Variants in SLC24A2 observed in about 807,000 individuals in gnomAD.
SLC24A2 encodes the protein solute carrier family 24 member 2.
Under a neutral mutation model 62.0 loss-of-function variants are expected in SLC24A2, and 36 were observed. The observed-to-expected ratio is 0.58, with a 90% CI of 0.44 to 0.77. The LOEUF is 0.77. SLC24A2 is among the 30% of genes least tolerant of loss of function. SLC24A2 has a pLI of 0.00. For missense variants in SLC24A2, 846 were observed against 817.9 expected (o/e 1.03, Z -0.42); for synonymous variants, 358 against 294.0 (o/e 1.22, Z -2.23).
chr9:20,242,291 G>C, the SLC24A2 span, among the ~76,000 whole-genome samples: 3 of 152,274 alleles, frequency 2.0e-5, no homozygotes, highest in African/African-American at 4.8e-5. Context: ...CTGAGAAATA[G>C]GGCTAAAGAA....
At chr9:19,883,726 T>C in the SLC24A2 span, among the ~76,000 whole-genome samples, 9 of 152,068 alleles carry the variant, frequency 5.9e-5, no homozygotes, top group South Asian at 2.1e-4. Flanking sequence ...CCACCATGCC[T>C]GGCGAATTTT....
intron 2 of SLC24A2, among the ~76,000 whole-genome samples, chr9:19,757,226 C>T (rs1822170351): frequency 6.6e-6 from 1 of 151,788 alleles, no homozygotes; most frequent in Admixed American, 6.6e-5. Context: ...TCTCTGTACC[C>T]CGAGAACTGA....
At chr9:20,237,833 A>C in the SLC24A2 span, among the ~76,000 whole-genome samples, 1 of 152,032 alleles carries the variant, frequency 6.6e-6, no homozygotes, top group Non-Finnish European at 1.5e-5. Context: ...TAGTCTCCTC[A>C]TTTCCCTCTA....
the SLC24A2 span, among the ~76,000 whole-genome samples, chr9:20,019,723 G>A: frequency 1.3e-5 from 2 of 152,254 alleles, no homozygotes; most frequent in Admixed American, 1.3e-4. Flanking sequence ...TGACAAATGG[G>A]ATCTAATTAA....
intron 7 of SLC24A2, among the ~76,000 whole-genome samples, chr9:19,564,661 A>G (rs1266005821): frequency 1.3e-5 from 2 of 152,186 alleles, no homozygotes; most frequent in Non-Finnish European, 2.9e-5. Context: ...TGATTTCCCT[A>G]AGGACAGAAG....
At chr9:19,644,796 A>T (rs923890692) in intron 2 of SLC24A2, among the ~76,000 whole-genome samples, 4 of 152,236 alleles carry the variant, frequency 2.6e-5, no homozygotes, top group African/African-American at 9.6e-5. Flanking sequence ...TCAGAAAATA[A>T]ATTCTTTATA....
At chr9:20,255,410 C>A in the SLC24A2 span, among the ~76,000 whole-genome samples, 2 of 152,172 alleles carry the variant, frequency 1.3e-5, no homozygotes, top group Non-Finnish European at 2.9e-5. Flanking sequence ...CCCAAGTTAG[C>A]GGCTTAAAAC....
At chr9:20,245,804 G>T in the SLC24A2 span, among the ~76,000 whole-genome samples, 13 of 152,138 alleles carry the variant, frequency 8.5e-5, no homozygotes, top group Non-Finnish European at 2.9e-5. Context: ...GGAGATAATA[G>T]TAGCTAACTT....
At chr9:20,079,906 A>G in the SLC24A2 span, among the ~76,000 whole-genome samples, 2 of 152,214 alleles carry the variant, frequency 1.3e-5, no homozygotes, top group East Asian at 3.8e-4. Flanking sequence ...ATACCTAGGA[A>G]CACAACTTAC....
In SLC24A2 at chr9:19,632,769, A is replaced by T. The variant is rs894557364; in HGVS notation, c.931-10470T>A. Reference sequence around the variant, plus strand: ...CTATAGTACATCATTAAAACTAGGAAGTTGGCATTGGTACAATCTATGGAA... The same window carrying T: ...CTATAGTACATCATTAAAACTAGGATGTTGGCATTGGTACAATCTATGGAA... On this transcript the variant is annotated intron_variant, in intron 2 of 10. Coordinates refer to ENST00000341998, the MANE Select transcript of SLC24A2 (RefSeq NM_020344.4). The surrounding 1 kb of genome is among the most constrained non-coding windows in gnomAD (Gnocchi z 4.5). Among the ~76,000 whole-genome samples the T allele has an allele frequency of 1.3e-5, 2 of 152,228 alleles. No homozygotes were observed. Among genetic ancestry groups the T allele is most frequent in the Non-Finnish European group, 2.9e-5 (2 of 68,048 alleles).
intron 2 of SLC24A2, among the ~76,000 whole-genome samples, chr9:19,682,582 T>G (rs1041873832): frequency 5.3e-5 from 8 of 152,124 alleles, no homozygotes; most frequent in Admixed American, 4.6e-4. Context: ...CCTGTTTCCA[T>G]GGCAAAGTAT....
chr9:19,902,569 G>A, the SLC24A2 span, among the ~76,000 whole-genome samples: 1 of 152,094 alleles, frequency 6.6e-6, no homozygotes, highest in Non-Finnish European at 1.5e-5. Context: ...GTTAAGTTTA[G>A]GTCCACAGGA....
chr9:19,888,805 C>A, the SLC24A2 span, among the ~76,000 whole-genome samples: 2 of 152,122 alleles, frequency 1.3e-5, no homozygotes, highest in African/African-American at 4.8e-5. Flanking sequence ...GAAGAAATGC[C>A]AAATGCCCTT....
At chr9:20,279,718 T>A in the SLC24A2 span, among the ~76,000 whole-genome samples, 1 of 152,276 alleles carries the variant, frequency 6.6e-6, no homozygotes, top group South Asian at 2.1e-4. Context: ...TAAAGCATAA[T>A]TAGGAAGATA....
the SLC24A2 span, among the ~76,000 whole-genome samples, chr9:20,164,460 C>T: frequency 8.7e-3 from 1,320 of 151,874 alleles, 26 homozygotes; most frequent in African/African-American, 0.03. Flanking sequence ...GTTAGAATGG[C>T]GATCATTAAA....
At chr9:20,250,013 C>A in the SLC24A2 span, among the ~76,000 whole-genome samples, 2 of 152,120 alleles carry the variant, frequency 1.3e-5, no homozygotes, top group African/African-American at 4.8e-5. Flanking sequence ...TGGGGAGGAA[C>A]TAATTTTCAA....
chr9:19,784,574 C>A (rs1037492359), intron 2 of SLC24A2, among the ~76,000 whole-genome samples: 1 of 152,136 alleles, frequency 6.6e-6, no homozygotes, highest in Non-Finnish European at 1.5e-5. Context: ...TCAATGTACA[C>A]CACCCAAACG....
At chr9:20,076,252 G>T in the SLC24A2 span, among the ~76,000 whole-genome samples, 1 of 152,092 alleles carries the variant, frequency 6.6e-6, no homozygotes, top group Admixed American at 6.6e-5. Flanking sequence ...ATGAGCATTA[G>T]AAATCATTTT....
intron 2 of SLC24A2, among the ~76,000 whole-genome samples, chr9:19,682,193 C>T (rs1245011796): frequency 2.0e-5 from 3 of 152,140 alleles, no homozygotes; most frequent in South Asian, 2.1e-4. Flanking sequence ...ACAATGCTCA[C>T]CTGCAGTGAT....
Sources: allele counts gnomAD v4.1 joint callset (sites outside exome capture counted in the v4.1 genomes callset), GRCh38; gene constraint gnomAD v4.1.1; non-coding constraint Gnocchi (gnomAD v3.1); transcripts MANE v1.5; gene names NCBI Gene and HGNC (gene_info 2026-07-23, HGNC 2026-07-21).